PLA2R1: variants seen among roughly 807,000 people sequenced by gnomAD.
PLA2R1 encodes the protein phospholipase A2 receptor 1.
Under a neutral mutation model 195.9 loss-of-function variants are expected in PLA2R1, and 158 were observed. The ratio of observed to expected loss-of-function variants is 0.81; its 90% confidence interval spans 0.71 to 0.92. The LOEUF (loss-of-function observed/expected upper bound fraction) is 0.92. PLA2R1 is among the 40% of genes least tolerant of loss of function. The pLI is 0.00. For synonymous variants in PLA2R1, 586 were observed against 598.2 expected (o/e 0.98, Z 0.30); for missense variants, 1,626 against 1,764.6 (o/e 0.92, Z 1.41).
At chr2:159,954,724 G>A (rs1687976289) in intron 23 of PLA2R1, among the ~76,000 whole-genome samples, 1 of 151,998 alleles carries the variant, frequency 6.6e-6, no homozygotes, top group Non-Finnish European at 1.5e-5. Context: ...TAATAGTGTG[G>A]CTTTGGCATT....
intron 20 of PLA2R1, among the ~76,000 whole-genome samples, chr2:159,964,345 T>C (rs1192954418): frequency 3.3e-5 from 5 of 152,202 alleles, no homozygotes; most frequent in Non-Finnish European, 5.9e-5. Context: ...ATTAATGCCA[T>C]TGAATTGTAC....
chr2:160,022,701 C>T lies in PLA2R1; in HGVS notation c.1258G>A (p.Ala420Thr). The T allele has an allele frequency of 6.2e-7, 1 of 1,609,002 alleles. No individual in the cohort carries two copies. The highest frequency in any genetic ancestry group is 8.5e-7 in the Non-Finnish European group (1 of 1,177,136). The change falls in exon 7 of 30, where the codon GCA becomes ACA. Residue 420 changes from alanine (A) to threonine (T), a missense_variant. Ala to Thr is a moderately conservative substitution (Grantham distance 58). Transcript: ENST00000283243. ...AGGGTTACAAGAAACTCCACCTCTGCTAATGAGGTTATGTCTATTAATGCA... is the reference window on the plus strand; with the variant it reads ...AGGGTTACAAGAAACTCCACCTCTGTTAATGAGGTTATGTCTATTAATGCA... ...NSALIDITSL[A>T]EVEFLVTLLG...
intron 9 of PLA2R1, among the ~76,000 whole-genome samples, chr2:160,015,935 G>A (rs1182141610): frequency 6.6e-6 from 1 of 152,172 alleles, no homozygotes; most frequent in African/African-American, 2.4e-5. Context: ...TGACTCAGAG[G>A]AACACAATTG....
intron 12 of PLA2R1, among the ~76,000 whole-genome samples, chr2:159,984,342 T>C (rs1183131092): frequency 6.6e-6 from 1 of 152,174 alleles, no homozygotes; most frequent in Non-Finnish European, 1.5e-5. Flanking sequence ...TTTTTCACCC[T>C]AAATCTTCTG....
chr2:159,990,239 C>T (rs867147290), intron 11 of PLA2R1, among the ~76,000 whole-genome samples: 23 of 152,262 alleles, frequency 1.5e-4, no homozygotes, highest in Middle Eastern at 6.8e-3. Flanking sequence ...TGATAACTCA[C>T]TTCCCACTGG....
At chr2:159,950,575 A>G (rs1177438979) in intron 24 of PLA2R1, among the ~76,000 whole-genome samples, 1 of 152,244 alleles carries the variant, frequency 6.6e-6, no homozygotes, top group East Asian at 1.9e-4. Context: ...GTTCTAAAGA[A>G]TTCATGAGAT....
Position 159,944,922 on chromosome 2 carries a change from T to C in PLA2R1, c.4128A>G (p.Ile1376Met), listed in dbSNP as rs768451892. Residue 1376 changes from isoleucine to methionine, a missense_variant, in exon 28 of 30, where the codon ATA (isoleucine) becomes ATG (methionine). Transcript: ENST00000283243. The part of the protein sequence containing the change: ...LSPCQEKKGF[I>M]CKMEADIHTA... Reference sequence around the variant, plus strand: ...TTTACCTACCTGCCTCCATTTTACATATAAAGCCTTTTTTTTCTTGACACG... The same window carrying C: ...TTTACCTACCTGCCTCCATTTTACACATAAAGCCTTTTTTTTCTTGACACG... The C allele has an allele frequency of 6.2e-7, 1 of 1,612,726 alleles. No homozygotes were observed. The highest frequency in any genetic ancestry group is 2.2e-5 in the East Asian group (1 of 44,836).
chr2:160,044,873 C>T lies in PLA2R1; in HGVS notation c.394G>A (p.Val132Met), dbSNP rs758633677. 6.2e-7 allele frequency: 1 copy of T among 1,614,154 alleles called. No homozygotes were observed. The highest frequency in any genetic ancestry group is 1.7e-5 in the Admixed American group (1 of 60,022). The change falls in exon 2 of 30, where the codon GTG becomes ATG. Residue 132 changes from valine (V) to methionine (M), a missense_variant. Transcript: ENST00000283243. The part of the protein sequence containing the change: ...ITGPLQYSVQ[V>M]AHDNTVVASR... ...GCCACCACTGTGTTGTCATGCGCCA[C>T]CTGGACAGAGTACTGCAGCGGGCCT...
intron 10 of PLA2R1, among the ~76,000 whole-genome samples, chr2:160,008,335 G>A (rs1692138358): frequency 6.6e-6 from 1 of 152,086 alleles, no homozygotes; most frequent in Admixed American, 6.6e-5. Context: ...CAAAAAACCA[G>A]TGTGGTACTA....
intron 7 of PLA2R1, 62 bp from the exon 8 acceptor site, chr2:160,020,325 T>G: frequency 9.5e-7 from 1 of 1,049,352 alleles, no homozygotes; most frequent in Non-Finnish European, 1.4e-6. Context: ...GATAACACCC[T>G]GGAGTTATTA....
downstream of PLA2R1, among the ~76,000 whole-genome samples, chr2:159,930,407 CA>C (rs11389351): frequency 2.6e-3 from 297 of 115,448 alleles, no homozygotes; most frequent in African/African-American, 3.1e-3. Flanking sequence ...GACTCCGTCT[CA>C]AAAAAAAAAA....
chr2:160,021,896 G>T (rs1436645572), intron 7 of PLA2R1, among the ~76,000 whole-genome samples: 1 of 152,150 alleles, frequency 6.6e-6, no homozygotes, highest in East Asian at 1.9e-4. Context: ...GGTAGGAAAG[G>T]ACCCTATGTG....
At chr2:160,018,796 G>A (rs534616446) in intron 8 of PLA2R1, among the ~76,000 whole-genome samples, 8 of 152,380 alleles carry the variant, frequency 5.3e-5, no homozygotes, top group Admixed American at 1.3e-4. Flanking sequence ...AATTGTAATT[G>A]TCTGTGCTAG....
chr2:159,980,030 G>A, intron 13 of PLA2R1, 116 bp from the exon 14 acceptor site: 1 of 503,090 alleles, frequency 2.0e-6, no homozygotes, highest in Non-Finnish European at 3.6e-6. Flanking sequence ...CCTGCATATT[G>A]TGCACATGTA....
At chr2:160,043,274 A>G (rs546946522) in intron 2 of PLA2R1, among the ~76,000 whole-genome samples, 2 of 152,226 alleles carry the variant, frequency 1.3e-5, no homozygotes, top group East Asian at 1.9e-4. Flanking sequence ...AGGGGCAAAC[A>G]GCTGACATAG....
At chr2:160,037,564 G>A (rs1349422651) in intron 3 of PLA2R1, among the ~76,000 whole-genome samples, 3 of 152,180 alleles carry the variant, frequency 2.0e-5, no homozygotes, top group Non-Finnish European at 2.9e-5. Context: ...TAGAGCATGT[G>A]CCTGGTGACT....
chr2:159,963,146 A>G (rs1235529308), intron 20 of PLA2R1, among the ~76,000 whole-genome samples: 1 of 152,170 alleles, frequency 6.6e-6, no homozygotes, highest in African/African-American at 2.4e-5. Flanking sequence ...GAGATTAGCT[A>G]GGCATTCCTT....
At chr2:159,998,516 T>C (rs1691380771) in intron 11 of PLA2R1, among the ~76,000 whole-genome samples, 1 of 152,142 alleles carries the variant, frequency 6.6e-6, no homozygotes, top group South Asian at 2.1e-4. Flanking sequence ...TCACCCTACA[T>C]AATAACCTCA....
intron 7 of PLA2R1, among the ~76,000 whole-genome samples, chr2:160,021,203 G>A (rs926927972): frequency 3.9e-5 from 6 of 152,066 alleles, no homozygotes; most frequent in African/African-American, 7.2e-5. Flanking sequence ...CAACATTTAT[G>A]GAAAACAGTA....
Sources: allele counts gnomAD v4.1 joint callset (sites outside exome capture counted in the v4.1 genomes callset), GRCh38; gene constraint gnomAD v4.1.1; transcripts MANE v1.5; gene names NCBI Gene and HGNC (gene_info 2026-07-23, HGNC 2026-07-21).